Variants in GALNT18 observed in about 807,000 individuals in gnomAD.
GALNT18 encodes GalNAc-transferase 18.
GALNT18 carries 44 observed loss-of-function variants against 69.5 expected under a neutral mutation model. The observed-to-expected ratio is 0.63, with a 90% CI of 0.50 to 0.81. The LOEUF (loss-of-function observed/expected upper bound fraction) is 0.81, where lower values mean the gene tolerates loss of function less well. Among genes scored for constraint, GALNT18 ranks in the 40% least tolerant of loss-of-function variants. The pLI, the probability that GALNT18 is intolerant of heterozygous loss-of-function variation, is 0.00. For missense variants in GALNT18, 715 were observed against 810.0 expected (o/e 0.88, Z 1.42); for synonymous variants, 364 against 318.2 (o/e 1.14, Z -1.53).
chr11:11,287,597 C>A (rs11021754), intron 10 of GALNT18, among the ~76,000 whole-genome samples: 3 of 152,042 alleles, frequency 2.0e-5, no homozygotes, highest in South Asian at 2.1e-4. Context: ...AATCTCAGTA[C>A]GAAGGCTACT....
At chr11:11,565,374 G>A (rs11021933) in intron 1 of GALNT18, among the ~76,000 whole-genome samples, 27,694 of 152,176 alleles carry the variant, frequency 0.18, 2,583 homozygotes, top group Admixed American at 0.22. Flanking sequence ...GGTGGCAGAG[G>A]AGCAGTGGTG....
In GALNT18 at chr11:11,444,586, A is replaced by T. The variant is rs7936380; in HGVS notation, c.428+4158T>A. On this transcript the variant is annotated intron_variant, in intron 2 of 10. Transcript: ENST00000227756. This position sits in a 1 kb window ranked among gnomAD's most constrained non-coding sequence, Gnocchi z 4.4. ...TTGTGTCCTGTCTTGTCTATAAGGC[A>T]CTGGCACAGCATGGTCCTATCTCAG... Among the ~76,000 whole-genome samples, 1 of 152,270 alleles carries T rather than the reference A, an allele frequency of 6.6e-6. No individual in the cohort carries two copies. Among genetic ancestry groups the T allele is most frequent in the African/African-American group, 2.4e-5 (1 of 41,548 alleles).
rs1246328461 is a variant in GALNT18, at chr11:11,372,935, C to T, written c.978-306G>A. Among the ~76,000 whole-genome samples the T allele has an allele frequency of 1.3e-5, 2 of 152,080 alleles. No individual in the cohort carries two copies. Among genetic ancestry groups the T allele is most frequent in the African/African-American group, 2.4e-5 (1 of 41,390 alleles). ...GCCAGTCTAGGTTGACTGTATCTCC[C>T]GCTGCCCTGACCCTGACCTCTGCAC... On this transcript the variant is annotated intron_variant, in intron 5 of 10. Transcript: ENST00000227756. This position sits in a 1 kb window ranked among gnomAD's most constrained non-coding sequence, Gnocchi z 4.9.
chr11:11,575,258 A>G (rs991359281), intron 1 of GALNT18, among the ~76,000 whole-genome samples: 2 of 152,184 alleles, frequency 1.3e-5, no homozygotes, highest in African/African-American at 4.8e-5. Context: ...CCCACTCCAG[A>G]GCCTGCCATC....
rs1859338399 is a variant in GALNT18 at position 11,590,777 on chromosome 11, T to C, written c.235+30582A>G. Among the ~76,000 whole-genome samples, 1 of 152,190 alleles carries C rather than the reference T, an allele frequency of 6.6e-6. No individual in the cohort carries two copies. The highest frequency in any genetic ancestry group is 2.4e-5 in the African/African-American group (1 of 41,446). On this transcript the variant is annotated intron_variant, in intron 1 of 10. Coordinates refer to ENST00000227756, the MANE Select transcript of GALNT18 (RefSeq NM_198516.3). The surrounding 1 kb of genome is among the most constrained non-coding windows in gnomAD (Gnocchi z 4.4). ...CCTAGTAACATCACAGCCATCCTTA[T>C]GTCACAGCACAATGCATTCCTCAGG...
rs530406650 is a variant in GALNT18 at position 11,392,587 on chromosome 11, C to A, written c.596-13323G>T. Among the ~76,000 whole-genome samples, 65 of 152,294 alleles carry A rather than the reference C, an allele frequency of 4.3e-4. 2 individuals carry two copies. The South Asian group carries it at 0.013, about 31-fold the overall frequency. On this transcript the variant is annotated intron_variant, in intron 3 of 10. Coordinates refer to ENST00000227756, the MANE Select transcript of GALNT18 (RefSeq NM_198516.3). ...TGAGCAGAGATCGCGCCATCACACT[C>A]TAGCCTGGGCGACAAAAGCGAAACT...
intron 1 of GALNT18, among the ~76,000 whole-genome samples, chr11:11,462,559 C>CT: frequency 6.6e-6 from 1 of 152,164 alleles, no homozygotes. Context: ...TCCCAAAGTG[C>CT]TGGGATTTCA....
chr11:11,280,862 C>G (rs1485967342), intron 10 of GALNT18, among the ~76,000 whole-genome samples: 1 of 152,174 alleles, frequency 6.6e-6, no homozygotes, highest in Non-Finnish European at 1.5e-5. Flanking sequence ...ACCTTGGGTG[C>G]CCATCCTGTC....
chr11:11,412,518 T>A (rs986529043), intron 3 of GALNT18, among the ~76,000 whole-genome samples: 2 of 152,160 alleles, frequency 1.3e-5, no homozygotes, highest in African/African-American at 4.8e-5. Flanking sequence ...GAGCCCCAGG[T>A]TCTAAGCACT....
intron 1 of GALNT18, among the ~76,000 whole-genome samples, chr11:11,550,586 T>C (rs1858164498): frequency 6.6e-6 from 1 of 152,188 alleles, no homozygotes; most frequent in East Asian, 1.9e-4. Flanking sequence ...TGTCCTAGAT[T>C]CTCAGATTAC....
At chr11:11,392,560 G>C (rs1354186084) in intron 3 of GALNT18, among the ~76,000 whole-genome samples, 1 of 152,210 alleles carries the variant, frequency 6.6e-6, no homozygotes, top group Non-Finnish European at 1.5e-5. Flanking sequence ...CGGAGGTCGT[G>C]GTGAGCAGAG....
intron 1 of GALNT18, among the ~76,000 whole-genome samples, chr11:11,464,877 G>A (rs999746772): frequency 6.6e-6 from 1 of 152,122 alleles, no homozygotes; most frequent in African/African-American, 2.4e-5. Context: ...GTTATTGTGA[G>A]GACTGAATAA....
At chr11:11,575,648 T>C (rs1312742453) in intron 1 of GALNT18, among the ~76,000 whole-genome samples, 4 of 152,206 alleles carry the variant, frequency 2.6e-5, no homozygotes, top group African/African-American at 4.8e-5. Context: ...TATGAGGCCA[T>C]GAGTTCCATG....
intron 9 of GALNT18, among the ~76,000 whole-genome samples, chr11:11,295,735 G>A (rs1240250325): frequency 2.0e-5 from 3 of 152,082 alleles, no homozygotes; most frequent in Non-Finnish European, 4.4e-5. Context: ...TATCAAGCTT[G>A]GCAAATCCAT....
At chr11:11,343,560 C>A (rs1471332048) in intron 6 of GALNT18, among the ~76,000 whole-genome samples, 1 of 152,084 alleles carries the variant, frequency 6.6e-6, no homozygotes, top group Non-Finnish European at 1.5e-5. Flanking sequence ...GTGAAGGCCC[C>A]AGGCTGTGCA....
rs532319559 is a variant in GALNT18 at position 11,338,480 on chromosome 11, A to G, written c.1278+2339T>C. 1.1e-4 allele frequency among the ~76,000 whole-genome samples: 16 copies of G among 152,256 alleles called. No individual in the cohort carries two copies. Among genetic ancestry groups the G allele is most frequent in the African/African-American group, 3.9e-4 (16 of 41,548 alleles). ...GGCTTGTGATTGACTGGGACAGGGC[A>G]TTGAGAGAGAGGAAGATTGAAGGAT... On this transcript the variant is annotated intron_variant, in intron 7 of 10. Coordinates refer to ENST00000227756, the MANE Select transcript of GALNT18 (RefSeq NM_198516.3). This position sits in a 1 kb window ranked among gnomAD's most constrained non-coding sequence, Gnocchi z 5.3.
intron 6 of GALNT18, among the ~76,000 whole-genome samples, chr11:11,368,763 A>G (rs1433268110): frequency 1.3e-5 from 2 of 152,312 alleles, no homozygotes; most frequent in East Asian, 1.9e-4. Context: ...TTCTAAGTAT[A>G]TAATATAACC....
chr11:11,608,168 T>C (rs1490544897), intron 1 of GALNT18, among the ~76,000 whole-genome samples: 2 of 152,068 alleles, frequency 1.3e-5, no homozygotes, highest in African/African-American at 4.8e-5. Context: ...TCCCAACTAA[T>C]TGCAATGAAA....
intron 8 of GALNT18, among the ~76,000 whole-genome samples, chr11:11,328,312 T>C (rs2133045109): frequency 6.6e-6 from 1 of 152,218 alleles, no homozygotes; most frequent in East Asian, 1.9e-4. Context: ...CTTGACTAGG[T>C]TCTCTCCTTA....
Sources: gnomAD v4.1 joint callset for allele counts (sites outside exome capture counted in the v4.1 genomes callset) on GRCh38, gnomAD v4.1.1 for gene constraint, Gnocchi (gnomAD v3.1) non-coding constraint, MANE v1.5 for transcripts, NCBI Gene and HGNC (gene_info 2026-07-23, HGNC 2026-07-21) for gene names.